The following APOBEC1 variants were observed in gnomAD, a reference collection of about 807,000 sequenced individuals.
APOBEC1 encodes C->U-editing enzyme APOBEC-1.
In APOBEC1, 22 loss-of-function variants were observed where a neutral mutation model predicts 26.3. The ratio of observed to expected loss-of-function variants is 0.84; its 90% CI spans 0.60 to 1.19. The LOEUF is 1.19. Among genes scored for constraint, APOBEC1 ranks in the 50% most tolerant of loss-of-function variants. APOBEC1 has a pLI of 0.00. For missense variants in APOBEC1, 253 were observed against 289.0 expected, an observed-to-expected ratio of 0.88 and a Z score of 0.90; for synonymous variants, 77 against 95.3, an observed-to-expected ratio of 0.81 and a Z score of 1.12.
chr12:7,665,979 G>T, upstream of APOBEC1: 3 of 1,179,072 alleles, frequency 2.5e-6, no homozygotes, highest in South Asian at 1.2e-5. Flanking sequence ...GGCAGAGGAT[G>T]ACTCATTCCC....
chr12:7,666,002 G>T, upstream of APOBEC1: 2 of 948,106 alleles, frequency 2.1e-6, no homozygotes, highest in Non-Finnish European at 1.7e-6. Context: ...ATCTCAGGCA[G>T]TTATGGGAAT....
At position 7,654,629 on chromosome 12, in the gene APOBEC1, G is replaced by A. The variant is rs1863688936; in HGVS notation, c.20C>T (p.Pro7Leu). The stretch of plus-strand genomic sequence containing the variant: ...CCTCAGAGTGGGGTCACCGGTTGAA[G>A]GACCTGTTGACCAAGATATGATTAT... MTSEKG[P>L]STGDPTLRRR... The change falls in exon 2 of 5, where the codon CCT (proline) becomes CTT (leucine). Residue 7 changes from proline to leucine, a missense_variant. Coordinates refer to ENST00000229304, the MANE Select transcript of APOBEC1 (RefSeq NM_001644.5). 6.2e-7 allele frequency: 1 copy of A among 1,613,886 alleles called. No homozygotes were observed.
At chr12:7,665,384 G>A (rs1221594022) in intron 1 of APOBEC1, among the ~76,000 whole-genome samples, 3 of 151,932 alleles carry the variant, frequency 2.0e-5, no homozygotes, top group Non-Finnish European at 4.4e-5. Context: ...TGCAACCTCC[G>A]CCTCCTGTGT....
chr12:7,657,015 C>T (rs1863723729), intron 1 of APOBEC1, among the ~76,000 whole-genome samples: 1 of 151,330 alleles, frequency 6.6e-6, no homozygotes, highest in South Asian at 2.1e-4. Flanking sequence ...CAAAAATACC[C>T]ACTTGGTGTC....
intron 1 of APOBEC1, among the ~76,000 whole-genome samples, chr12:7,660,376 G>GAAGGAAGGAAAGAAAGAAAAAGAA (rs1290120140): frequency 0.02 from 1,235 of 60,546 alleles, 50 homozygotes; most frequent in Non-Finnish European, 0.037. Context: ...AGGAAGGAAG[G>GAAGGAAGGAAAGAAAGAAAAAGAA]AAAGAAAGAA....
chr12:7,660,604 G>A (rs907563618), intron 1 of APOBEC1, among the ~76,000 whole-genome samples: 4 of 149,872 alleles, frequency 2.7e-5, no homozygotes, highest in Non-Finnish European at 4.4e-5. Context: ...TCAGGAGGCC[G>A]AGGCACAAGA....
At chr12:7,661,367 A>G (rs954322771) in intron 1 of APOBEC1, among the ~76,000 whole-genome samples, 3 of 152,076 alleles carry the variant, frequency 2.0e-5, no homozygotes, top group African/African-American at 4.8e-5. Context: ...ATCACACAAT[A>G]TATACCCTTG....
intron 4 of APOBEC1, among the ~76,000 whole-genome samples, chr12:7,650,536 A>G (rs1456930532): frequency 6.6e-6 from 1 of 152,084 alleles, no homozygotes; most frequent in Non-Finnish European, 1.5e-5. Flanking sequence ...CCTCCCACAA[A>G]CACACTTCTT....
Position 7,649,710 on chromosome 12 carries a change from G to A in APOBEC1, c.562-14C>T, listed in dbSNP as rs1415811039. Reference sequence around the variant, plus strand: ...GGGTGGAAGACTCTGGAATAAAAAAGGATTATATTTAATCCTTAGGATGAA... The same window carrying A: ...GGGTGGAAGACTCTGGAATAAAAAAAGATTATATTTAATCCTTAGGATGAA... On this transcript the variant is annotated splice_polypyrimidine_tract_variant and intron_variant, in intron 4 of 4. Transcript: ENST00000229304. 1.9e-6 allele frequency: 3 copies of A among 1,572,690 alleles called. No individual in the cohort carries two copies. The highest frequency in any genetic ancestry group is 1.1e-5 in the South Asian group (1 of 89,412).
At chr12:7,659,784 A>G (rs1240009330) in intron 1 of APOBEC1, among the ~76,000 whole-genome samples, 1 of 152,006 alleles carries the variant, frequency 6.6e-6, no homozygotes, top group Non-Finnish European at 1.5e-5. Flanking sequence ...CCTGGCTAAC[A>G]CGGTGAAAAC....
chr12:7,670,003 G>T (rs1225592105), upstream of APOBEC1, among the ~76,000 whole-genome samples: 1 of 150,946 alleles, frequency 6.6e-6, no homozygotes, highest in Non-Finnish European at 1.5e-5. Context: ...CCACCCTGGA[G>T]ACAAAATTTT....
chr12:7,669,342 G>C (rs1441608282), upstream of APOBEC1, among the ~76,000 whole-genome samples: 1 of 152,004 alleles, frequency 6.6e-6, no homozygotes, highest in African/African-American at 2.4e-5. Context: ...AATTTTCATT[G>C]CTGAATAGTA....
chr12:7,659,618 C>T (rs1863775626), intron 1 of APOBEC1, among the ~76,000 whole-genome samples: 1 of 151,962 alleles, frequency 6.6e-6, no homozygotes, highest in Non-Finnish European at 1.5e-5. Flanking sequence ...GGAATGTAAA[C>T]TGGTACAGCC....
intron 1 of APOBEC1, among the ~76,000 whole-genome samples, chr12:7,659,680 C>T (rs1863776209): frequency 6.6e-6 from 1 of 152,058 alleles, no homozygotes; most frequent in South Asian, 2.1e-4. Flanking sequence ...ACTAAAAATG[C>T]AACTACTGGC....
chr12:7,654,912 T>C (rs1863692063), intron 1 of APOBEC1, among the ~76,000 whole-genome samples: 1 of 152,172 alleles, frequency 6.6e-6, no homozygotes. Flanking sequence ...AAGTCACTTC[T>C]TAAAGCCTCT....
At chr12:7,662,224 T>C (rs1380921471) in intron 1 of APOBEC1, among the ~76,000 whole-genome samples, 5 of 152,018 alleles carry the variant, frequency 3.3e-5, no homozygotes, top group Non-Finnish European at 5.9e-5. Flanking sequence ...ATGATCGCCA[T>C]TGCACTCCAG....
chr12:7,661,487 TGATAGATAGATAGATAGATA>T lies in APOBEC1; in HGVS notation c.16+4350_16+4369del, dbSNP rs60705558. Reference sequence around the variant, plus strand: ...AAGCCAGGATATCTTTGATGACAGATGATAGATAGATAGATAGATAGATAGATAGATAGATAGATATCTCT... The same window carrying T: ...AAGCCAGGATATCTTTGATGACAGATGATAGATAGATAGATAGATATCTCT... On this transcript the variant is annotated intron_variant, in intron 1 of 4. Transcript: ENST00000229304. Among the ~76,000 whole-genome samples, 551 of 151,046 alleles carry T rather than the reference TGATAGATAGATAGATAGATA, an allele frequency of 3.6e-3. 7 individuals are homozygous for T. The highest frequency in any genetic ancestry group is 8.7e-3 in the Admixed American group (131 of 15,094).
intron 1 of APOBEC1, among the ~76,000 whole-genome samples, chr12:7,665,535 T>G (rs566298611): frequency 6.6e-6 from 1 of 152,180 alleles, no homozygotes; most frequent in Admixed American, 6.6e-5. Flanking sequence ...GGGCCTCAAG[T>G]GATCCACCCT....
intron 1 of APOBEC1, among the ~76,000 whole-genome samples, chr12:7,664,358 G>A (rs1863863377): frequency 6.6e-6 from 1 of 152,066 alleles, no homozygotes; most frequent in Non-Finnish European, 1.5e-5. Flanking sequence ...ATATCTCTGT[G>A]CTATTCATAA....
Sources: gnomAD v4.1 joint callset for allele counts (sites outside exome capture counted in the v4.1 genomes callset) on GRCh38, gnomAD v4.1.1 for gene constraint, MANE v1.5 for transcripts, NCBI Gene and HGNC (gene_info 2026-07-23, HGNC 2026-07-21) for gene names.